CDH12: variants seen among roughly 807,000 people sequenced by gnomAD.
The protein encoded by CDH12 is cadherin-12.
CDH12 carries 41 observed loss-of-function variants against 74.1 expected under a neutral mutation model. The observed-to-expected ratio is 0.55, with a 90% CI of 0.43 to 0.72. The LOEUF is 0.72. Ranked by LOEUF, CDH12 falls within the 30% of genes least tolerant of loss-of-function variation. The probability of loss-of-function intolerance (pLI) is 0.00; values close to 1 mark genes in which losing one functional copy is unlikely to be tolerated. For missense variants in CDH12, 945 were observed against 977.2 expected (o/e 0.97, Z 0.44); for synonymous variants, 399 against 355.0 (o/e 1.12, Z -1.39).
intron 11 of CDH12, among the ~76,000 whole-genome samples, chr5:21,769,333 T>G (rs1276530845): frequency 4.6e-5 from 7 of 152,136 alleles, no homozygotes; most frequent in Admixed American, 4.6e-4. Flanking sequence ...TGCTTAAAGA[T>G]GACATGAACC....
At chr5:22,844,746 G>C (rs990712021) in intron 1 of CDH12, among the ~76,000 whole-genome samples, 1 of 152,128 alleles carries the variant, frequency 6.6e-6, no homozygotes, top group African/African-American at 2.4e-5. Flanking sequence ...AAATCCATTA[G>C]AGAGAATGGA....
At chr5:22,458,646 A>G (rs1745384927) in intron 2 of CDH12, among the ~76,000 whole-genome samples, 1 of 152,176 alleles carries the variant, frequency 6.6e-6, no homozygotes. Context: ...AACATCACAA[A>G]ATTGATATGC....
chr5:22,523,459 G>C (rs1194027960), intron 1 of CDH12, among the ~76,000 whole-genome samples: 1 of 152,110 alleles, frequency 6.6e-6, no homozygotes, highest in East Asian at 1.9e-4. Flanking sequence ...TTTTACAACT[G>C]TCTGAAGCTC....
chr5:22,153,548 T>C (rs1212487765), intron 4 of CDH12, among the ~76,000 whole-genome samples: 1 of 151,378 alleles, frequency 6.6e-6, no homozygotes, highest in African/African-American at 2.4e-5. Context: ...ATTTGAAACT[T>C]AGTAACCATT....
intron 2 of CDH12, among the ~76,000 whole-genome samples, chr5:22,447,747 T>C (rs1208187725): frequency 6.6e-6 from 1 of 151,984 alleles, no homozygotes; most frequent in Non-Finnish European, 1.5e-5. Flanking sequence ...TTTCCAACTC[T>C]GGAATAAAAG....
chr5:22,324,986 G>A (rs778140531), intron 3 of CDH12, among the ~76,000 whole-genome samples: 4 of 152,132 alleles, frequency 2.6e-5, no homozygotes, highest in African/African-American at 9.7e-5. Context: ...TATACCTATA[G>A]AATGCCATTC....
chr5:22,497,641 T>TC (rs1747154578), intron 2 of CDH12, among the ~76,000 whole-genome samples: 1 of 133,858 alleles, frequency 7.5e-6, no homozygotes, highest in Non-Finnish European at 1.6e-5. Context: ...CGAATCTCTT[T>TC]TTTTTTTTTT....
At chr5:22,396,659 A>C (rs1470846447) in intron 3 of CDH12, among the ~76,000 whole-genome samples, 1 of 152,070 alleles carries the variant, frequency 6.6e-6, no homozygotes, top group East Asian at 1.9e-4. Flanking sequence ...TTCAGGCTTC[A>C]ATGTCAGCAA....
chr5:22,556,718 T>C (rs902532874), intron 1 of CDH12, among the ~76,000 whole-genome samples: 4 of 152,224 alleles, frequency 2.6e-5, no homozygotes, highest in African/African-American at 9.6e-5. Flanking sequence ...TTTGACTAAA[T>C]AGGTTTCATC....
intron 5 of CDH12, among the ~76,000 whole-genome samples, chr5:22,048,602 A>G (rs757388771): frequency 1.3e-5 from 2 of 152,166 alleles, no homozygotes; most frequent in Non-Finnish European, 2.9e-5. Context: ...AGGAAAAAAT[A>G]TTAAGTTGCT....
chr5:22,530,792 A>G (rs1224484607), intron 1 of CDH12, among the ~76,000 whole-genome samples: 1 of 152,130 alleles, frequency 6.6e-6, no homozygotes, highest in Non-Finnish European at 1.5e-5. Flanking sequence ...ATTAGTCTAT[A>G]GGCATATTTA....
intron 6 of CDH12, 95 bp from the exon 7 acceptor site, chr5:21,854,885 G>T: frequency 8.6e-7 from 1 of 1,161,272 alleles, no homozygotes; most frequent in South Asian, 1.5e-5. Flanking sequence ...TTTGGTATTT[G>T]ACCTACGTCA....
chr5:21,842,273 T>C lies in CDH12; in HGVS notation c.702A>G (p.Gln234=). 6.2e-7 allele frequency: 1 copy of C among 1,613,296 alleles called. No individual in the cohort carries two copies. The highest frequency in any genetic ancestry group is 8.5e-7 in the Non-Finnish European group (1 of 1,179,460). ...CCATATCCTTGGCTTGGATGAGTACTTGATATTGTTCTTTGACTTCTCTGT... is the reference window on the plus strand; with the variant it reads ...CCATATCCTTGGCTTGGATGAGTACCTGATATTGTTCTTTGACTTCTCTGT... ...NMDREVKEQY[Q]VLIQAKDMGG... The change falls in exon 8 of 15, where the codon CAA becomes CAG. Residue 234 remains glutamine (Q), a synonymous_variant. Coordinates refer to ENST00000382254, the MANE Select transcript of CDH12 (RefSeq NM_004061.5).
intron 1 of CDH12, among the ~76,000 whole-genome samples, chr5:22,839,683 C>T (rs761197730): frequency 3.9e-4 from 60 of 152,152 alleles, no homozygotes; most frequent in Middle Eastern, 6.8e-3. Flanking sequence ...ATACCCTTCA[C>T]GGTTTATAAA....
At chr5:22,494,372 C>T (rs1421240649) in intron 2 of CDH12, among the ~76,000 whole-genome samples, 2 of 152,192 alleles carry the variant, frequency 1.3e-5, no homozygotes, top group African/African-American at 4.8e-5. Context: ...AGTGCCCTGT[C>T]TGGGGCGGGT....
At chr5:22,761,373 A>G (rs1746219045) in intron 1 of CDH12, among the ~76,000 whole-genome samples, 1 of 152,194 alleles carries the variant, frequency 6.6e-6, no homozygotes, top group Non-Finnish European at 1.5e-5. Context: ...ATTTCGGCTA[A>G]GAACGGAAAA....
chr5:21,770,181 G>T (rs1745244291), intron 11 of CDH12, among the ~76,000 whole-genome samples: 1 of 152,134 alleles, frequency 6.6e-6, no homozygotes, highest in African/African-American at 2.4e-5. Context: ...CCTCGTAGAT[G>T]TGTTTCCAAG....
At chr5:22,535,282 G>A (rs1056466393) in intron 1 of CDH12, among the ~76,000 whole-genome samples, 1 of 151,398 alleles carries the variant, frequency 6.6e-6, no homozygotes, top group Non-Finnish European at 1.5e-5. Flanking sequence ...AGCCTCCCGA[G>A]TAGCTGGGAC....
At chr5:22,228,180 T>A (rs1048227154) in intron 3 of CDH12, among the ~76,000 whole-genome samples, 2 of 152,126 alleles carry the variant, frequency 1.3e-5, no homozygotes, top group African/African-American at 2.4e-5. Flanking sequence ...CACTTAGTTA[T>A]TAATAATGGT....
Sources: allele counts gnomAD v4.1 joint callset (sites outside exome capture counted in the v4.1 genomes callset), GRCh38; gene constraint gnomAD v4.1.1; transcripts MANE v1.5; gene names NCBI Gene and HGNC (gene_info 2026-07-23, HGNC 2026-07-21).